CNTN6: variants seen among roughly 807,000 people sequenced by gnomAD.
The protein encoded by CNTN6 is contactin-6.
Under a neutral mutation model 122.8 loss-of-function variants are expected in CNTN6, and 137 were observed. That is an observed-to-expected ratio of 1.12 (90% CI 0.97 to 1.29). The LOEUF (loss-of-function observed/expected upper bound fraction) is 1.29. CNTN6 is among the 50% of genes most tolerant of loss of function. The pLI, the probability that CNTN6 is intolerant of heterozygous loss-of-function variation, is 0.00. For synonymous variants in CNTN6, 570 were observed against 426.0 expected, an observed-to-expected ratio of 1.34 and a Z score of -4.16; for missense variants, 1,634 against 1,223.4, an observed-to-expected ratio of 1.34 and a Z score of -5.01.
chr3:1,164,727 C>T (rs779211340), intron 2 of CNTN6, among the ~76,000 whole-genome samples: 2 of 152,190 alleles, frequency 1.3e-5, no homozygotes, highest in African/African-American at 2.4e-5. Flanking sequence ...TGAAGCCTCC[C>T]TGTGCCATTT....
intron 11 of CNTN6, among the ~76,000 whole-genome samples, chr3:1,335,874 T>G (rs1332270745): frequency 6.6e-6 from 1 of 151,624 alleles, no homozygotes; most frequent in Non-Finnish European, 1.5e-5. Flanking sequence ...GCAAAAAAAT[T>G]TTAAAAAGGA....
At chr3:1,308,435 A>T (rs192915848) in intron 7 of CNTN6, among the ~76,000 whole-genome samples, 33 of 152,034 alleles carry the variant, frequency 2.2e-4, no homozygotes, top group African/African-American at 8.0e-4. Flanking sequence ...GGGTCTTGTT[A>T]TTGAAGAATG....
At chr3:1,242,163 T>A (rs977727471) in intron 4 of CNTN6, among the ~76,000 whole-genome samples, 3 of 152,182 alleles carry the variant, frequency 2.0e-5, no homozygotes, top group East Asian at 1.9e-4. Flanking sequence ...ATGGGGGCTG[T>A]CTGTGAAGCT....
chr3:1,155,126 C>A (rs1212717416), intron 2 of CNTN6, among the ~76,000 whole-genome samples: 1 of 152,134 alleles, frequency 6.6e-6, no homozygotes, highest in African/African-American at 2.4e-5. Flanking sequence ...CTCTTGTCAA[C>A]CTTTTTTACT....
chr3:1,107,782 A>C (rs2125000971), intron 1 of CNTN6, among the ~76,000 whole-genome samples: 1 of 152,174 alleles, frequency 6.6e-6, no homozygotes, highest in South Asian at 2.1e-4. Context: ...AATATCTATA[A>C]GGGTTGTGGT....
intron 2 of CNTN6, among the ~76,000 whole-genome samples, chr3:1,179,288 T>C (rs1006353065): frequency 1.3e-5 from 2 of 152,132 alleles, no homozygotes; most frequent in African/African-American, 4.8e-5. Flanking sequence ...CTAAAGGTTA[T>C]ATTTCAGCAT....
At chr3:1,117,973 C>T (rs1002105350) in intron 1 of CNTN6, among the ~76,000 whole-genome samples, 15 of 152,126 alleles carry the variant, frequency 9.9e-5, no homozygotes, top group Non-Finnish European at 1.3e-4. Flanking sequence ...TCACTTTCTC[C>T]ACACTCTGAT....
At chr3:1,366,267 A>G (rs1708203646) in intron 12 of CNTN6, among the ~76,000 whole-genome samples, 1 of 152,170 alleles carries the variant, frequency 6.6e-6, no homozygotes, top group Non-Finnish European at 1.5e-5. Flanking sequence ...GTTTGAAAAG[A>G]CTTAAAGAAT....
chr3:1,261,243 G>A (rs556795207), intron 4 of CNTN6, among the ~76,000 whole-genome samples: 3 of 152,160 alleles, frequency 2.0e-5, no homozygotes, highest in Non-Finnish European at 4.4e-5. Context: ...ATCTCATGGC[G>A]AAGACATGGA....
chr3:1,284,345 T>G (rs1356181997), intron 5 of CNTN6, among the ~76,000 whole-genome samples: 2 of 152,156 alleles, frequency 1.3e-5, no homozygotes, highest in Non-Finnish European at 2.9e-5. Context: ...CTTCCTCCAG[T>G]TGGTGTGCTT....
At chr3:1,166,631 G>C (rs2093255249) in intron 2 of CNTN6, among the ~76,000 whole-genome samples, 1 of 152,158 alleles carries the variant, frequency 6.6e-6, no homozygotes, top group Admixed American at 6.5e-5. Flanking sequence ...GAGCTCTTAA[G>C]CTGATTAAGG....
In CNTN6 at chr3:1,247,562, T is replaced by C. The variant is rs1308190631; in HGVS notation, c.358+19569T>C. Among the ~76,000 whole-genome samples, 4 of 152,042 alleles carry C rather than the reference T, an allele frequency of 2.6e-5. No individual in the cohort carries two copies. In the East Asian group the frequency reaches 5.8e-4, roughly 22 times the overall value. Reference sequence around the variant, plus strand: ...CATGAGATCCAATCCATTATGAAAATTGAGCTTTAAAAAGCTTTAGAATTA... The same window carrying C: ...CATGAGATCCAATCCATTATGAAAACTGAGCTTTAAAAAGCTTTAGAATTA... On this transcript the variant is annotated intron_variant, in intron 4 of 22. Coordinates refer to ENST00000446702, the MANE Select transcript of CNTN6 (RefSeq NM_001289080.2).
rs1559422352 is a variant in CNTN6, at chr3:1,158,855, T to TAC, written c.55+10793_55+10794insCA. 8.1e-3 allele frequency among the ~76,000 whole-genome samples: 956 copies of TAC among 118,068 alleles called. 14 individuals carry two copies. Among genetic ancestry groups the TAC allele is most frequent in the Non-Finnish European group, 0.011 (702 of 61,472 alleles). The allele number at this position is 118,068 out of a possible 152,430, so 77.5% of individuals were successfully genotyped here. A position where few individuals can be genotyped will look rare whatever the true frequency, so the allele number is the denominator to read the frequency against. On this transcript the variant is annotated intron_variant, in intron 2 of 22. Coordinates refer to ENST00000446702, the MANE Select transcript of CNTN6 (RefSeq NM_001289080.2). ...ATACACACACATATATATACATACATATATATACACACATATATATACACA... is the reference window on the plus strand; with the variant it reads ...ATACACACACATATATATACATACATACATATATACACACATATATATACACA...
At position 1,100,117 on chromosome 3, in the gene CNTN6, T is replaced by C. The variant is rs190860452; in HGVS notation, c.-83+6997T>C. Among the ~76,000 whole-genome samples, 90 of 152,298 alleles carry C rather than the reference T, an allele frequency of 5.9e-4. 1 individual carries two copies. Among genetic ancestry groups the C allele is most frequent in the Admixed American group, 2.2e-3 (33 of 15,298 alleles). ...ATGACGTGATTTCCTGAGTTCTTTATTTACCATATTCTTGCTATTTATGTG... is the reference window on the plus strand; with the variant it reads ...ATGACGTGATTTCCTGAGTTCTTTACTTACCATATTCTTGCTATTTATGTG... On this transcript the variant is annotated intron_variant, in intron 1 of 22. Coordinates refer to ENST00000446702, the MANE Select transcript of CNTN6 (RefSeq NM_001289080.2).
intron 1 of CNTN6, among the ~76,000 whole-genome samples, chr3:1,097,631 A>G (rs897544157): frequency 4.6e-5 from 7 of 152,130 alleles, no homozygotes; most frequent in African/African-American, 1.7e-4. Flanking sequence ...GTCTTAGGCA[A>G]GTTTCTTAGC....
intron 4 of CNTN6, among the ~76,000 whole-genome samples, chr3:1,270,240 T>C (rs550940674): frequency 2.0e-5 from 3 of 152,162 alleles, no homozygotes; most frequent in Non-Finnish European, 4.4e-5. Context: ...TTAGTTACTA[T>C]AGAACTAAAA....
chr3:1,278,375 GTAACT>G, intron 4 of CNTN6, 33 bp from the exon 5 acceptor site: 2 of 1,323,840 alleles, frequency 1.5e-6, no homozygotes, highest in Non-Finnish European at 2.1e-6. Context: ...ATTCTGCAAA[GTAACT>G]AATTATAAAT....
At chr3:1,376,778 T>C (rs1429517497) in intron 16 of CNTN6, among the ~76,000 whole-genome samples, 2 of 152,144 alleles carry the variant, frequency 1.3e-5, no homozygotes, top group Non-Finnish European at 2.9e-5. Flanking sequence ...TGTTACTCAA[T>C]TTTTAATTAA....
chr3:1,304,246 T>C (rs528483489), intron 7 of CNTN6, among the ~76,000 whole-genome samples: 1 of 152,120 alleles, frequency 6.6e-6, no homozygotes, highest in South Asian at 2.1e-4. Flanking sequence ...TTCAGGATCA[T>C]ACTTTTGTGT....
Sources: allele counts gnomAD v4.1 joint callset (sites outside exome capture counted in the v4.1 genomes callset), GRCh38; gene constraint gnomAD v4.1.1; transcripts MANE v1.5; gene names NCBI Gene and HGNC (gene_info 2026-07-23, HGNC 2026-07-21).